MB21D2: variants seen among roughly 807,000 people sequenced by gnomAD.
MB21D2 encodes the protein Mab-21 domain containing 2.
A neutral mutation model predicts 33.3 loss-of-function variants in MB21D2; 9 were observed. The ratio of observed to expected loss-of-function variants is 0.27; its 90% CI spans 0.16 to 0.47. The LOEUF is 0.47. MB21D2 is among the 20% of genes least tolerant of loss of function. The probability of loss-of-function intolerance (pLI) is 0.99; values close to 1 mark genes in which losing one functional copy is unlikely to be tolerated. For synonymous variants in MB21D2, 241 were observed against 236.3 expected (o/e 1.02, Z -0.18); for missense variants, 540 against 624.6 (o/e 0.86, Z 1.44).
At chr3:192,866,400 ATC>A (rs1713168870) in intron 1 of MB21D2, among the ~76,000 whole-genome samples, 1 of 152,206 alleles carries the variant, frequency 6.6e-6, no homozygotes, top group Admixed American at 6.5e-5. Flanking sequence ...TTCTGGTTAG[ATC>A]TCTCTTTCTC....
Position 192,797,566 on chromosome 3 carries a change from G to A in MB21D2, c.*820C>T, listed in dbSNP as rs1560223118. The stretch of plus-strand genomic sequence containing the variant: ...ATGAAAAAATGATAGAATTTCGAGA[G>A]TGGTTGTTAATTTATATTGAAACAC... On this transcript the variant is annotated 3_prime_UTR_variant, in exon 2 of 2. Coordinates refer to ENST00000392452, the MANE Select transcript of MB21D2 (RefSeq NM_178496.4). 1 of 152,584 alleles carries A rather than the reference G, an allele frequency of 6.6e-6. No individual in the cohort carries two copies. Among genetic ancestry groups the A allele is most frequent in the Non-Finnish European group, 1.5e-5 (1 of 68,034 alleles). The allele number at this position is 152,584 out of a possible 1,614,324, so 9.5% of individuals were successfully genotyped here. A position where few individuals can be genotyped will look rare whatever the true frequency, so the allele number is the denominator to read the frequency against.
In MB21D2 at chr3:192,896,478, A is replaced by T. The variant is rs533327053; in HGVS notation, c.211+21152T>A. ...AAGTGATCCACCCACCTCAGCCTCA[A>T]AGAAGCTGGAACAACAGGTGCATGC... On this transcript the variant is annotated intron_variant, in intron 1 of 1. Transcript: ENST00000392452. Among the ~76,000 whole-genome samples the T allele has an allele frequency of 2.6e-5, 4 of 152,244 alleles. No individual in the cohort carries two copies. The South Asian group carries it at 6.2e-4, about 24-fold the overall frequency.
chr3:192,820,601 C>T (rs558365437), intron 1 of MB21D2, among the ~76,000 whole-genome samples: 6 of 152,376 alleles, frequency 3.9e-5, no homozygotes, highest in African/African-American at 1.4e-4. Flanking sequence ...AAAGCGTCTG[C>T]GTAGCGGCCA....
At chr3:192,819,220 G>GTTATA (rs148257493) in intron 1 of MB21D2, among the ~76,000 whole-genome samples, 17,120 of 152,112 alleles carry the variant, frequency 0.11, 3,023 homozygotes, top group African/African-American at 0.38. Flanking sequence ...CTAAGGCCCA[G>GTTATA]TTATATATTA....
intron 1 of MB21D2, among the ~76,000 whole-genome samples, chr3:192,818,407 T>A (rs1048042993): frequency 6.6e-6 from 1 of 151,636 alleles, no homozygotes; most frequent in Non-Finnish European, 1.5e-5. Context: ...TTTCCTAGAA[T>A]GCTAATATTT....
At chr3:192,857,063 G>A (rs575440593) in intron 1 of MB21D2, among the ~76,000 whole-genome samples, 4 of 152,214 alleles carry the variant, frequency 2.6e-5, no homozygotes, top group East Asian at 3.9e-4. Flanking sequence ...TGCTATGACT[G>A]CATGCTTTTC....
rs113537307 is a variant in MB21D2 at position 192,882,132 on chromosome 3, AT to A, written c.211+35497del. On this transcript the variant is annotated intron_variant, in intron 1 of 1. Transcript: ENST00000392452. The stretch of plus-strand genomic sequence containing the variant: ...CTTGGCACAAAACTGACATTTAGTA[AT>A]TTTTTTTTTTAGACGGAGTTTCACT... Among the ~76,000 whole-genome samples the A allele has an allele frequency of 2.8e-4, 42 of 148,712 alleles. 1 individual carries two copies. Among genetic ancestry groups the A allele is most frequent in the Admixed American group, 6.0e-4 (9 of 14,892 alleles).
At chr3:192,822,481 T>C (rs1161033831) in intron 1 of MB21D2, among the ~76,000 whole-genome samples, 2 of 152,132 alleles carry the variant, frequency 1.3e-5, no homozygotes, top group South Asian at 2.1e-4. Flanking sequence ...GAAGTTCTAA[T>C]AGATGTAAGA....
At chr3:192,871,249 C>A (rs1439065795) in intron 1 of MB21D2, among the ~76,000 whole-genome samples, 2 of 152,132 alleles carry the variant, frequency 1.3e-5, no homozygotes, top group African/African-American at 4.8e-5. Context: ...TACTTGCAAA[C>A]TGAGTGCACC....
chr3:192,885,867 G>A (rs545758081), intron 1 of MB21D2, among the ~76,000 whole-genome samples: 7 of 152,074 alleles, frequency 4.6e-5, no homozygotes, highest in Non-Finnish European at 7.3e-5. Flanking sequence ...AACAGAAAGC[G>A]TATTCAAATT....
At chr3:192,906,673 C>A (rs936491581) in intron 1 of MB21D2, among the ~76,000 whole-genome samples, 1 of 152,200 alleles carries the variant, frequency 6.6e-6, no homozygotes, top group Non-Finnish European at 1.5e-5. Flanking sequence ...TCTTTTAGAG[C>A]ACACACCCCT....
intron 1 of MB21D2, among the ~76,000 whole-genome samples, chr3:192,890,935 T>A (rs1291381124): frequency 6.6e-6 from 1 of 152,086 alleles, no homozygotes; most frequent in South Asian, 2.1e-4. Flanking sequence ...TTATCCTGCG[T>A]GGGGGAAGAA....
At chr3:192,883,309 G>GTACTCATT (rs1312322814) in intron 1 of MB21D2, among the ~76,000 whole-genome samples, 1 of 151,998 alleles carries the variant, frequency 6.6e-6, no homozygotes, top group Non-Finnish European at 1.5e-5. Context: ...TCTTTGCCAT[G>GTACTCATT]TACTCATTTT....
At chr3:192,840,180 A>C (rs896664528) in intron 1 of MB21D2, among the ~76,000 whole-genome samples, 1 of 152,220 alleles carries the variant, frequency 6.6e-6, no homozygotes, top group African/African-American at 2.4e-5. Flanking sequence ...TGATCATGAG[A>C]GGGAACACAA....
chr3:192,874,798 T>C (rs2133865), intron 1 of MB21D2, among the ~76,000 whole-genome samples: 51,270 of 151,906 alleles, frequency 0.34, 9,003 homozygotes, highest in East Asian at 0.56. Flanking sequence ...GCTTGGAGCA[T>C]TTATTCTCCT....
At chr3:192,894,384 G>C (rs1030278103) in intron 1 of MB21D2, among the ~76,000 whole-genome samples, 5 of 152,086 alleles carry the variant, frequency 3.3e-5, no homozygotes, top group African/African-American at 9.7e-5. Flanking sequence ...ACTCGCCTCG[G>C]CCTCCCAAAG....
At chr3:192,814,232 C>T (rs1711858661) in intron 1 of MB21D2, among the ~76,000 whole-genome samples, 2 of 151,960 alleles carry the variant, frequency 1.3e-5, no homozygotes, top group Admixed American at 1.3e-4. Flanking sequence ...CAGATTAGTA[C>T]AGCTACACCC....
chr3:192,878,186 G>A (rs906367820), intron 1 of MB21D2, among the ~76,000 whole-genome samples: 23 of 143,030 alleles, frequency 1.6e-4, no homozygotes, highest in Non-Finnish European at 3.1e-4. Context: ...TGCAAGCTCC[G>A]CCTCGCGGGT....
chr3:192,870,760 G>A (rs1283371726), intron 1 of MB21D2, among the ~76,000 whole-genome samples: 1 of 112,932 alleles, frequency 8.9e-6, no homozygotes, highest in Non-Finnish European at 1.7e-5. Flanking sequence ...AGATTGCAAA[G>A]GCTAACAAGT....
Sources: allele counts gnomAD v4.1 joint callset (sites outside exome capture counted in the v4.1 genomes callset), GRCh38; gene constraint gnomAD v4.1.1; transcripts MANE v1.5; gene names NCBI Gene and HGNC (gene_info 2026-07-23, HGNC 2026-07-21).